Variants in AXDND1 observed in about 807,000 individuals in gnomAD.
AXDND1 encodes the protein axonemal dynein light chain domain containing 1, also known as axonemal dynein light chain domain-containing protein 1.
AXDND1 carries 110 observed loss-of-function variants against 137.5 expected under a neutral mutation model. The observed-to-expected ratio is 0.80, with a 90% CI of 0.69 to 0.94. The LOEUF (loss-of-function observed/expected upper bound fraction) is 0.94, where lower values mean the gene tolerates loss of function less well. AXDND1 is among the 40% of genes least tolerant of loss of function. The pLI, the probability that AXDND1 is intolerant of heterozygous loss-of-function variation, is 0.00. For synonymous variants in AXDND1, 414 were observed against 399.7 expected, an observed-to-expected ratio of 1.04 and a Z score of -0.43; for missense variants, 1,191 against 1,169.8, an observed-to-expected ratio of 1.02 and a Z score of -0.26.
At chr1:179,491,062 G>A (rs1186885225) in intron 18 of AXDND1, among the ~76,000 whole-genome samples, 2 of 152,156 alleles carry the variant, frequency 1.3e-5, no homozygotes, top group African/African-American at 2.4e-5. Context: ...TGTGGTTCAC[G>A]CCTGTAATCC....
intron 17 of AXDND1, among the ~76,000 whole-genome samples, chr1:179,480,889 T>C (rs1478652398): frequency 1.3e-5 from 2 of 150,462 alleles, no homozygotes; most frequent in Non-Finnish European, 3.0e-5. Context: ...AGTTGATTGG[T>C]CTATTGTTTT....
intron 9 of AXDND1, 146 bp from the exon 10 acceptor site, chr1:179,393,757 A>G: frequency 1.9e-6 from 1 of 518,754 alleles, no homozygotes; most frequent in Non-Finnish European, 3.1e-6. Flanking sequence ...GCTGTTGTAA[A>G]AGGGATTGAT....
At chr1:179,414,034 GAATT>G (rs899853548) in intron 12 of AXDND1, among the ~76,000 whole-genome samples, 2 of 151,628 alleles carry the variant, frequency 1.3e-5, no homozygotes, top group Admixed American at 6.6e-5. Context: ...AATATTATTT[GAATT>G]AATTAGCCTT....
At chr1:179,454,961 T>C (rs1187715092) in intron 16 of AXDND1, 2 of 152,016 alleles carry the variant, frequency 1.3e-5, no homozygotes, top group Non-Finnish European at 2.9e-5. Flanking sequence ...CCGGGCGTGG[T>C]GGCAGGCGCC....
rs113396192 is a variant in AXDND1 at position 179,456,296 on chromosome 1, G to A, written c.1798+11092G>A. ...AGCCACCTTGGTTTTGTGGTTTGAC[G>A]AAGTATTGGCCTCCACCACCACAGG... is the stretch of plus-strand genomic sequence containing the variant. On this transcript the variant is annotated intron_variant, in intron 16 of 25. Transcript: ENST00000367618. 7,050 of 743,708 alleles carry A rather than the reference G, an allele frequency of 9.5e-3. 364 individuals carry two copies. In the African/African-American group the frequency reaches 0.11, roughly 11 times the overall value. 46.1% of individuals were successfully genotyped at this position (743,708 alleles called of 1,614,324 possible).
chr1:179,427,179 A>G (rs1656697875), intron 12 of AXDND1, among the ~76,000 whole-genome samples: 1 of 151,938 alleles, frequency 6.6e-6, no homozygotes, highest in Non-Finnish European at 1.5e-5. Flanking sequence ...AAAAACAAGA[A>G]CAAAAACAAA....
At chr1:179,482,842 T>A (rs776313744) in intron 17 of AXDND1, among the ~76,000 whole-genome samples, 1 of 151,658 alleles carries the variant, frequency 6.6e-6, no homozygotes, top group East Asian at 1.9e-4. Context: ...TGGAAGTAAA[T>A]GTAAAGGGTG....
chr1:179,455,817 T>G, intron 16 of AXDND1: 1 of 181,426 alleles, frequency 5.5e-6, no homozygotes, highest in Non-Finnish European at 1.1e-5. Context: ...GAAGCCAGCT[T>G]TGGCTGCATC....
At chr1:179,552,542 A>G (rs1572261619) in intron 25 of AXDND1, 1 of 1,303,898 alleles carries the variant, frequency 7.7e-7, no homozygotes, top group East Asian at 2.3e-5. Context: ...GCAAAGGGGA[A>G]ATGTTCTCCA....
intron 25 of AXDND1, among the ~76,000 whole-genome samples, chr1:179,549,245 C>CA (rs1672955833): frequency 6.6e-6 from 1 of 152,166 alleles, no homozygotes; most frequent in Non-Finnish European, 1.5e-5. Context: ...CTCACCTAGC[C>CA]AGTTTCTGAA....
At chr1:179,472,550 TATC>T (rs1450179338) in intron 17 of AXDND1, among the ~76,000 whole-genome samples, 1 of 152,156 alleles carries the variant, frequency 6.6e-6, no homozygotes, top group African/African-American at 2.4e-5. Context: ...TTTCCTTATT[TATC>T]ATCTGTGTAG....
intron 16 of AXDND1, among the ~76,000 whole-genome samples, chr1:179,464,609 C>T (rs1004105026): frequency 2.6e-5 from 4 of 151,912 alleles, no homozygotes; most frequent in African/African-American, 7.2e-5. Flanking sequence ...TTGCTCTTCT[C>T]GAGGAGTATC....
chr1:179,514,887 G>C (rs1401184975), intron 21 of AXDND1, among the ~76,000 whole-genome samples: 2 of 152,088 alleles, frequency 1.3e-5, no homozygotes, highest in East Asian at 3.9e-4. Context: ...AGCTACCCCT[G>C]CTCGCTTTTG....
At chr1:179,405,924 C>T (rs996627907) in intron 11 of AXDND1, among the ~76,000 whole-genome samples, 2 of 151,166 alleles carry the variant, frequency 1.3e-5, no homozygotes, top group African/African-American at 4.9e-5. Context: ...TTTGTTTTTT[C>T]TCTCTTTTCT....
intron 15 of AXDND1, among the ~76,000 whole-genome samples, chr1:179,439,043 C>T (rs768110144): frequency 6.6e-6 from 1 of 152,122 alleles, no homozygotes; most frequent in Admixed American, 6.5e-5. Flanking sequence ...AGCTTGCTAC[C>T]AATGCCAGCG....
At chr1:179,401,315 A>G (rs12758559) in intron 11 of AXDND1, among the ~76,000 whole-genome samples, 43,663 of 150,164 alleles carry the variant, frequency 0.29, 6,577 homozygotes, top group Non-Finnish European at 0.31. Flanking sequence ...TTACTTCATA[A>G]ATTAGCTAGA....
At chr1:179,371,117 C>A (rs537620248) in intron 4 of AXDND1, among the ~76,000 whole-genome samples, 1 of 152,152 alleles carries the variant, frequency 6.6e-6, no homozygotes, top group Admixed American at 6.6e-5. Flanking sequence ...CTGAATGTGG[C>A]ACTAAGCTGA....
At chr1:179,540,956 A>G (rs1226707088) in intron 25 of AXDND1, among the ~76,000 whole-genome samples, 1 of 152,128 alleles carries the variant, frequency 6.6e-6, no homozygotes, top group Non-Finnish European at 1.5e-5. Flanking sequence ...GAGCTTCTCA[A>G]TGGGTTTGTT....
chr1:179,411,335 T>A (rs1653841779), intron 12 of AXDND1, 69 bp downstream of exon 12: 2 of 1,507,520 alleles, frequency 1.3e-6, no homozygotes, highest in Admixed American at 4.7e-5. Flanking sequence ...GTTTTAAAAT[T>A]TGTTTTTTTT....
Sources: allele counts gnomAD v4.1 joint callset (sites outside exome capture counted in the v4.1 genomes callset), GRCh38; gene constraint gnomAD v4.1.1; transcripts MANE v1.5; gene names NCBI Gene and HGNC (gene_info 2026-07-23, HGNC 2026-07-21).